Variants in FRS2 observed in about 807,000 individuals in gnomAD.
FRS2 encodes the protein fibroblast growth factor receptor substrate 2, also known as FGFR signalling adaptor.
Under a neutral mutation model 43.9 loss-of-function variants are expected in FRS2, and 8 were observed. The ratio of observed to expected loss-of-function variants is 0.18; its 90% CI spans 0.11 to 0.33. FRS2 has a LOEUF of 0.33. FRS2 is among the 10% of genes least tolerant of loss of function. FRS2 has a pLI of 1.00. For synonymous variants in FRS2, 219 were observed against 220.3 expected, an observed-to-expected ratio of 0.99 and a Z score of 0.05; for missense variants, 534 against 627.6, an observed-to-expected ratio of 0.85 and a Z score of 1.59.
intron 3 of FRS2, among the ~76,000 whole-genome samples, chr12:69,537,337 A>AT (rs11327480): frequency 1.3e-4 from 19 of 150,140 alleles, no homozygotes; most frequent in East Asian, 3.9e-4. Flanking sequence ...TTCTATGATA[A>AT]TTTTTTTTTT....
intron 3 of FRS2, among the ~76,000 whole-genome samples, chr12:69,556,645 A>G (rs1306703497): frequency 2.0e-5 from 3 of 152,156 alleles, no homozygotes; most frequent in African/African-American, 4.8e-5. Flanking sequence ...CTGTTATCCA[A>G]CATTAATGTT....
chr12:69,560,781 T>C (rs542854561), intron 3 of FRS2, among the ~76,000 whole-genome samples: 1 of 152,332 alleles, frequency 6.6e-6, no homozygotes, highest in African/African-American at 2.4e-5. Flanking sequence ...TTTTCTTTTT[T>C]ACTAAGTATC....
At chr12:69,476,886 A>T (rs972223962) in intron 1 of FRS2, among the ~76,000 whole-genome samples, 3 of 152,212 alleles carry the variant, frequency 2.0e-5, no homozygotes, top group African/African-American at 7.2e-5. Flanking sequence ...CTATAGAAAT[A>T]TTTAAATTCT....
intron 1 of FRS2, among the ~76,000 whole-genome samples, chr12:69,483,182 T>C (rs1457578876): frequency 6.6e-6 from 1 of 152,204 alleles, no homozygotes; most frequent in South Asian, 2.1e-4. Context: ...CAACATACGG[T>C]ATACAGATTT....
rs1881293693 is a variant in FRS2, at chr12:69,577,864, A to C, written c.*2909A>C. The C allele has an allele frequency of 6.6e-6, 1 of 152,592 alleles. No homozygotes were observed. Among genetic ancestry groups the C allele is most frequent in the East Asian group, 1.9e-4 (1 of 5,202 alleles). 9.5% of individuals were successfully genotyped at this position (152,592 alleles called of 1,614,324 possible). On this transcript the variant is annotated 3_prime_UTR_variant, in exon 9 of 9. Coordinates refer to ENST00000549921, the MANE Select transcript of FRS2 (RefSeq NM_001278356.2). ...GCTTTTCACTTCTCAGTATATCCAG[A>C]ATACATCATATCTGGGACTTAGGAA...
chr12:69,514,649 A>G (rs1968692), intron 1 of FRS2, among the ~76,000 whole-genome samples: 2 of 152,028 alleles, frequency 1.3e-5, no homozygotes, highest in Non-Finnish European at 2.9e-5. Flanking sequence ...CCTGGCCAAC[A>G]TGGCGAAACC....
chr12:69,544,446 C>G (rs1878188410), intron 3 of FRS2, among the ~76,000 whole-genome samples: 1 of 152,168 alleles, frequency 6.6e-6, no homozygotes, highest in African/African-American at 2.4e-5. Flanking sequence ...TGGTTCATGT[C>G]TGTAATTTTA....
chr12:69,477,577 C>T (rs939216606), intron 1 of FRS2, among the ~76,000 whole-genome samples: 17 of 151,476 alleles, frequency 1.1e-4, no homozygotes, highest in East Asian at 1.9e-4. Flanking sequence ...CCACCGCGCC[C>T]GGCCTAAAAT....
chr12:69,544,399 A>G (rs1317386210), intron 3 of FRS2, among the ~76,000 whole-genome samples: 1 of 152,174 alleles, frequency 6.6e-6, no homozygotes, highest in East Asian at 1.9e-4. Flanking sequence ...TGATTTAAAA[A>G]AACACTAAAA....
chr12:69,516,839 C>CT (rs1157980165), intron 1 of FRS2, among the ~76,000 whole-genome samples: 2 of 152,142 alleles, frequency 1.3e-5, no homozygotes, highest in Non-Finnish European at 2.9e-5. Flanking sequence ...TATTCTGCCA[C>CT]TTTTAAGATT....
At chr12:69,570,153 A>G (rs973138015) in intron 5 of FRS2, among the ~76,000 whole-genome samples, 178 bp from the exon 6 acceptor site, 4 of 152,226 alleles carry the variant, frequency 2.6e-5, no homozygotes, top group African/African-American at 9.6e-5. Context: ...TTGTTTCCCC[A>G]GTGGGAATGT....
chr12:69,502,600 T>C (rs1364992470), intron 1 of FRS2, among the ~76,000 whole-genome samples: 1 of 152,142 alleles, frequency 6.6e-6, no homozygotes, highest in Non-Finnish European at 1.5e-5. Context: ...TGTCAGACAT[T>C]TTTTAAGGTG....
At chr12:69,475,883 G>A (rs767074456) in intron 1 of FRS2, among the ~76,000 whole-genome samples, 1 of 152,074 alleles carries the variant, frequency 6.6e-6, no homozygotes, top group Middle Eastern at 3.2e-3. Flanking sequence ...TAAATCTATT[G>A]ATATGTTTTT....
chr12:69,529,548 G>T (rs1379733073), intron 1 of FRS2, among the ~76,000 whole-genome samples: 1 of 151,988 alleles, frequency 6.6e-6, no homozygotes, highest in Non-Finnish European at 1.5e-5. Context: ...TTGAACCTGG[G>T]AGGCAGAGGT....
At chr12:69,568,307 G>T (rs1224243341) in intron 4 of FRS2, among the ~76,000 whole-genome samples, 1 of 152,138 alleles carries the variant, frequency 6.6e-6, no homozygotes, top group Non-Finnish European at 1.5e-5. Context: ...ATGAACTCTT[G>T]TCTTGTGGAG....
chr12:69,490,352 G>T (rs765725425), intron 1 of FRS2, among the ~76,000 whole-genome samples: 2 of 151,618 alleles, frequency 1.3e-5, no homozygotes, highest in Non-Finnish European at 2.9e-5. Flanking sequence ...CTAATTGAGG[G>T]ATTATAGTGT....
chr12:69,518,385 C>G (rs1875272162), intron 1 of FRS2, among the ~76,000 whole-genome samples: 1 of 149,530 alleles, frequency 6.7e-6, no homozygotes, highest in Non-Finnish European at 1.5e-5. Context: ...TGTTTTCCTT[C>G]TGACAGATAA....
chr12:69,575,973 CTG>C lies in FRS2; in HGVS notation c.*1020_*1021del, dbSNP rs1881164889. ...GGTTCATTTGGAACTTACTGTTAGTCTGTAACAGGGTTGCCCTTGTCCAGTAT... is the reference window on the plus strand; with the variant it reads ...GGTTCATTTGGAACTTACTGTTAGTCTAACAGGGTTGCCCTTGTCCAGTAT... On this transcript the variant is annotated 3_prime_UTR_variant, in exon 9 of 9. Coordinates refer to ENST00000549921, the MANE Select transcript of FRS2 (RefSeq NM_001278356.2). The C allele has an allele frequency of 6.6e-6, 1 of 152,598 alleles. No homozygotes were observed. Among genetic ancestry groups the C allele is most frequent in the Non-Finnish European group, 1.5e-5 (1 of 68,026 alleles). 9.5% of individuals were successfully genotyped at this position (152,598 alleles called of 1,614,324 possible). A position where few individuals can be genotyped will look rare whatever the true frequency, so the allele number is the denominator to read the frequency against.
At chr12:69,548,399 G>C (rs1878599912) in intron 3 of FRS2, among the ~76,000 whole-genome samples, 1 of 152,166 alleles carries the variant, frequency 6.6e-6, no homozygotes, top group African/African-American at 2.4e-5. Context: ...AAGGTGTGAA[G>C]GATGACTGCA....
Sources: allele counts gnomAD v4.1 joint callset (sites outside exome capture counted in the v4.1 genomes callset), GRCh38; gene constraint gnomAD v4.1.1; transcripts MANE v1.5; gene names NCBI Gene and HGNC (gene_info 2026-07-23, HGNC 2026-07-21).